CELF2: variants seen among roughly 807,000 people sequenced by gnomAD.
CELF2 encodes CUG triplet repeat RNA-binding protein 2.
Under a neutral mutation model 62.6 loss-of-function variants are expected in CELF2, and 8 were observed. The ratio of observed to expected loss-of-function variants is 0.13; its 90% CI spans 0.07 to 0.23. The LOEUF is 0.23. Ranked by LOEUF, CELF2 falls within the 10% of genes least tolerant of loss-of-function variation. The probability of loss-of-function intolerance (pLI) is 1.00; values close to 1 mark genes in which losing one functional copy is unlikely to be tolerated. For synonymous variants in CELF2, 258 were observed against 250.0 expected, an observed-to-expected ratio of 1.03 and a Z score of -0.30; for missense variants, 333 against 671.0, an observed-to-expected ratio of 0.50 and a Z score of 5.56.
chr10:10,986,699 A>G (rs541106738), intron 2 of CELF2, among the ~76,000 whole-genome samples: 1 of 152,352 alleles, frequency 6.6e-6, no homozygotes, highest in East Asian at 1.9e-4. Flanking sequence ...ACCACACTTA[A>G]AGTGATGATG....
chr10:10,794,069 C>T (rs534638482), upstream of CELF2, among the ~76,000 whole-genome samples: 6 of 152,156 alleles, frequency 3.9e-5, no homozygotes, highest in East Asian at 3.9e-4. Flanking sequence ...CTGATGCACA[C>T]GGGGTGTGCT....
Position 10,972,129 on chromosome 10 carries a change from TC to T in CELF2, c.89+52132del, listed in dbSNP as rs2050818477. ...TTGTTAAAATTTAGCCTTTATGGAG[TC>T]CTCATATACTGGATTTCTCTGTGGC... On this transcript the variant is annotated intron_variant, in intron 2 of 13. Transcript: ENST00000636488. The surrounding 1 kb of genome is among the most constrained non-coding windows in gnomAD (Gnocchi z 4.4). Among the ~76,000 whole-genome samples, 1 of 152,054 alleles carries T rather than the reference TC, an allele frequency of 6.6e-6. No homozygotes were observed. Among genetic ancestry groups the T allele is most frequent in the Non-Finnish European group, 1.5e-5 (1 of 68,022 alleles).
At chr10:10,487,659 GAGA>G in the CELF2 span, among the ~76,000 whole-genome samples, 1 of 152,028 alleles carries the variant, frequency 6.6e-6, no homozygotes, top group South Asian at 2.1e-4. Context: ...ATGCATATTT[GAGA>G]AGATGTTGAA....
chr10:10,631,267 G>A, the CELF2 span, among the ~76,000 whole-genome samples: 1 of 152,118 alleles, frequency 6.6e-6, no homozygotes, highest in East Asian at 1.9e-4. Context: ...CTAAACCAGG[G>A]CTAAAGAAAA....
chr10:10,647,216 C>G, the CELF2 span, among the ~76,000 whole-genome samples: 622 of 152,218 alleles, frequency 4.1e-3, 4 homozygotes, highest in African/African-American at 0.014. Flanking sequence ...TTTCCCCATT[C>G]CTCCTCCAGT....
chr10:10,572,734 T>C, the CELF2 span, among the ~76,000 whole-genome samples: 1 of 152,312 alleles, frequency 6.6e-6, no homozygotes, highest in South Asian at 2.1e-4. Context: ...ATATGTACCA[T>C]ATTTTCTTTA....
At chr10:10,574,867 G>T in the CELF2 span, among the ~76,000 whole-genome samples, 1 of 131,482 alleles carries the variant, frequency 7.6e-6, no homozygotes, top group Non-Finnish European at 1.5e-5. Flanking sequence ...CCGCCACCAT[G>T]CCTGGTTTTT....
At chr10:10,646,672 G>T in the CELF2 span, among the ~76,000 whole-genome samples, 864 of 152,284 alleles carry the variant, frequency 5.7e-3, 9 homozygotes, top group African/African-American at 0.019. Flanking sequence ...TTGTTTCATG[G>T]AATATTTATG....
intron 9 of CELF2, among the ~76,000 whole-genome samples, chr10:11,292,816 G>A (rs1389265900): frequency 2.6e-5 from 4 of 152,144 alleles, no homozygotes; most frequent in Admixed American, 1.3e-4. Context: ...TGACTTGGTC[G>A]CTGATCTTTG....
the CELF2 span, among the ~76,000 whole-genome samples, chr10:10,495,249 A>C: frequency 6.6e-6 from 1 of 152,214 alleles, no homozygotes; most frequent in African/African-American, 2.4e-5. Flanking sequence ...ACTGCACTTC[A>C]GCCTGGGCGA....
the CELF2 span, among the ~76,000 whole-genome samples, chr10:10,605,311 C>T: frequency 1.3e-5 from 2 of 152,116 alleles, no homozygotes; most frequent in East Asian, 1.9e-4. Flanking sequence ...GGGAAAGGAC[C>T]TAATGGATGC....
In CELF2 at chr10:10,844,746, G is replaced by A. The variant is rs148573779; in HGVS notation, c.53+45929G>A. The stretch of plus-strand genomic sequence containing the variant: ...TCTGTGTCTAAGGACCGTAAGAAAA[G>A]GGTTTTGATTGGGATTAGCAGAGAA... On this transcript the variant is annotated intron_variant, in intron 1 of 13. Coordinates refer to the CELF2 transcript ENST00000636488. 1.1e-4 allele frequency among the ~76,000 whole-genome samples: 17 copies of A among 152,214 alleles called. No homozygotes were observed. In the East Asian group the frequency reaches 3.3e-3, roughly 29 times the overall value.
At chr10:10,638,603 C>G in the CELF2 span, among the ~76,000 whole-genome samples, 1 of 152,124 alleles carries the variant, frequency 6.6e-6, no homozygotes, top group Non-Finnish European at 1.5e-5. Context: ...TTGGAGGGCA[C>G]CCATTGGTAG....
At chr10:10,975,838 G>C (rs1436786599) in intron 2 of CELF2, among the ~76,000 whole-genome samples, 1 of 152,236 alleles carries the variant, frequency 6.6e-6, no homozygotes, top group Non-Finnish European at 1.5e-5. Context: ...TTGTTGAACA[G>C]TGCTGCTCCT....
intron 1 of CELF2, among the ~76,000 whole-genome samples, chr10:11,130,141 A>G (rs1320686228): frequency 6.6e-6 from 1 of 152,220 alleles, no homozygotes; most frequent in Non-Finnish European, 1.5e-5. Context: ...CCCAGTGGTC[A>G]TTCAGGAGCA....
chr10:11,239,174 A>G (rs1372242299), intron 3 of CELF2, among the ~76,000 whole-genome samples: 1 of 152,154 alleles, frequency 6.6e-6, no homozygotes, highest in East Asian at 1.9e-4. Flanking sequence ...GTTTTCCTGC[A>G]ATATTTTATT....
chr10:10,651,024 C>T, the CELF2 span, among the ~76,000 whole-genome samples: 11 of 151,882 alleles, frequency 7.2e-5, no homozygotes, highest in East Asian at 1.6e-3. Flanking sequence ...GCACCGTGCG[C>T]GAGCCGAAGC....
At chr10:11,034,789 T>C (rs1489854406) in intron 1 of CELF2, among the ~76,000 whole-genome samples, 1 of 152,160 alleles carries the variant, frequency 6.6e-6, no homozygotes, top group Non-Finnish European at 1.5e-5. Context: ...AGCCTGTCCT[T>C]TTGCTCCCTA....
chr10:11,277,480 G>C (rs1037755043), intron 8 of CELF2, among the ~76,000 whole-genome samples: 6 of 152,218 alleles, frequency 3.9e-5, no homozygotes, highest in African/African-American at 1.4e-4. Context: ...CTCCAGGAGA[G>C]CATGGCCCCG....
Sources: allele counts gnomAD v4.1 joint callset (sites outside exome capture counted in the v4.1 genomes callset), GRCh38; gene constraint gnomAD v4.1.1; non-coding constraint Gnocchi (gnomAD v3.1); transcripts MANE v1.5; gene names NCBI Gene and HGNC (gene_info 2026-07-23, HGNC 2026-07-21).